SLC19A1: variants seen among roughly 807,000 people sequenced by gnomAD.
SLC19A1 encodes the protein solute carrier family 19 member 1.
SLC19A1 carries 37 observed loss-of-function variants against 35.3 expected under a neutral mutation model. That is an observed-to-expected ratio of 1.05 (90% CI 0.81 to 1.38). The LOEUF (loss-of-function observed/expected upper bound fraction) is 1.38. Ranked by LOEUF, SLC19A1 falls within the 40% of genes most tolerant of loss-of-function variation. SLC19A1 has a pLI of 0.00. For missense variants in SLC19A1, 831 were observed against 826.9 expected, an observed-to-expected ratio of 1.00 and a Z score of -0.06; for synonymous variants, 460 against 398.5, an observed-to-expected ratio of 1.15 and a Z score of -1.84.
upstream of SLC19A1, among the ~76,000 whole-genome samples, chr21:45,547,318 C>CCA (rs1180029246): frequency 6.6e-6 from 1 of 152,120 alleles, no homozygotes; most frequent in Admixed American, 6.5e-5. Context: ...TCTGAACAGA[C>CCA]CACTCCTCTG....
At position 45,534,773 on chromosome 21, in the gene SLC19A1, C is replaced by T. The variant is rs747450130; in HGVS notation, c.190-2625G>A. ...AGGCTCTGCCCAGAGCTGTGACCTG[C>T]GTCCCACTTACAAGGCTGCTGGGGG... On this transcript the variant is annotated intron_variant, in intron 2 of 5. Coordinates refer to ENST00000311124, the MANE Select transcript of SLC19A1 (RefSeq NM_194255.4). This position sits in a 1 kb window ranked among gnomAD's most constrained non-coding sequence, Gnocchi z 4.2. 38 of 602,022 alleles carry T rather than the reference C, an allele frequency of 6.3e-5. No homozygotes were observed. Among genetic ancestry groups the T allele is most frequent in the South Asian group, 1.0e-4 (5 of 49,898 alleles). 37.3% of individuals were successfully genotyped at this position (602,022 alleles called of 1,614,324 possible).
intron 5 of SLC19A1, among the ~76,000 whole-genome samples, chr21:45,520,955 G>A (rs2077419310): frequency 6.6e-6 from 1 of 151,808 alleles, no homozygotes; most frequent in East Asian, 1.9e-4. Flanking sequence ...AGGAGGAGGA[G>A]GTTGCGGTGA....
Position 45,530,073 on chromosome 21 carries a change from GGT to G in SLC19A1, c.1151+695_1151+696del, listed in dbSNP as rs2077811114. ...AGTGGGTGTCCATCTGTGAGCATGTGGTGTGTGTTCGTGTGTGGTGTGTCTGT... is the reference window on the plus strand; with the variant it reads ...AGTGGGTGTCCATCTGTGAGCATGTGGTGTGTTCGTGTGTGGTGTGTCTGT... On this transcript the variant is annotated intron_variant, in intron 4 of 5. Transcript: ENST00000311124. This position sits in a 1 kb window ranked among gnomAD's most constrained non-coding sequence, Gnocchi z 5.3. Among the ~76,000 whole-genome samples the G allele has an allele frequency of 6.9e-6, 1 of 144,020 alleles. No individual in the cohort carries two copies. Among genetic ancestry groups the G allele is most frequent in the African/African-American group, 2.6e-5 (1 of 38,272 alleles). 94.5% of individuals were successfully genotyped at this position (144,020 alleles called of 152,430 possible).
In SLC19A1 at chr21:45,533,867, C is replaced by A. The variant is rs149615942; in HGVS notation, c.190-1719G>T. Among the ~76,000 whole-genome samples, 706 of 152,268 alleles carry A rather than the reference C, an allele frequency of 4.6e-3. 7 individuals carry two copies. Among genetic ancestry groups the A allele is most frequent in the African/African-American group, 0.016 (649 of 41,560 alleles). ...GTGGCCCGATGTGCTCAGAGCCCGG[C>A]CACCGGCTACTGTGAACAGCTGGGC... is the stretch of plus-strand genomic sequence containing the variant. On this transcript the variant is annotated intron_variant, in intron 2 of 5. Transcript: ENST00000311124. This position sits in a 1 kb window ranked among gnomAD's most constrained non-coding sequence, Gnocchi z 4.5.
upstream of SLC19A1, among the ~76,000 whole-genome samples, chr21:45,548,410 G>T (rs77892687): frequency 6.6e-6 from 1 of 152,170 alleles, no homozygotes; most frequent in Non-Finnish European, 1.5e-5. Flanking sequence ...CGTAAGTGAC[G>T]CTTACAACTG....
chr21:45,516,935 G>A lies in SLC19A1; in HGVS notation c.1294-795C>T, dbSNP rs569568792. ...GCTGTTTTTAAAGCAAACTGAGGAA[G>A]ATGGGGCTGACACGCTTCTCCCTGC... On this transcript the variant is annotated intron_variant, in intron 5 of 5. Coordinates refer to ENST00000311124, the MANE Select transcript of SLC19A1 (RefSeq NM_194255.4). 7.9e-5 allele frequency among the ~76,000 whole-genome samples: 12 copies of A among 152,316 alleles called. No homozygotes were observed. In the South Asian group the frequency reaches 1.0e-3, roughly 13 times the overall value.
intron 1 of SLC19A1, among the ~76,000 whole-genome samples, chr21:45,539,845 G>C (rs1359996375): frequency 6.6e-6 from 1 of 152,200 alleles, no homozygotes; most frequent in African/African-American, 2.4e-5. Flanking sequence ...GCAGGGAAGA[G>C]GGGGAAGGGT....
At chr21:45,504,219 G>C (rs868489668) in intron 3 of SLC19A1, 36 of 937,950 alleles carry the variant, frequency 3.8e-5, no homozygotes, top group Non-Finnish European at 5.0e-5. Context: ...GGATGTTCCT[G>C]TCCCCGGCTC....
chr21:45,504,624 C>T (rs1290606699), intron 3 of SLC19A1: 11 of 1,429,564 alleles, frequency 7.7e-6, no homozygotes, highest in Non-Finnish European at 1.1e-5. Flanking sequence ...GAGGGCAGGT[C>T]CAGCCCGGCC....
At position 45,531,515 on chromosome 21, in the gene SLC19A1, C is replaced by T; in HGVS notation, c.823G>A (p.Val275Ile). 2 of 1,612,692 alleles carry T rather than the reference C, an allele frequency of 1.2e-6. No homozygotes were observed. The highest frequency in any genetic ancestry group is 1.1e-5 in the South Asian group (1 of 91,076). ...PQLRLWSLWW[V>I]FNSAGYYLVV... Reference sequence around the variant, plus strand: ...AGGTAGTAGCCGGCCGAGTTGAAGACCCACCAGAGGGACCACAGGCGCAGC... The same window carrying T: ...AGGTAGTAGCCGGCCGAGTTGAAGATCCACCAGAGGGACCACAGGCGCAGC... The change falls in exon 3 of 6, where the codon GTC becomes ATC. Residue 275 changes from valine (V) to isoleucine (I), a missense_variant. Val to Ile is a conservative substitution (Grantham distance 29). Coordinates refer to ENST00000311124, the MANE Select transcript of SLC19A1 (RefSeq NM_194255.4).
chr21:45,511,167 G>T (rs199498978), downstream of SLC19A1: 3 of 1,601,754 alleles, frequency 1.9e-6, no homozygotes, highest in Admixed American at 5.1e-5. Flanking sequence ...AGGGTCCGCT[G>T]AAGCCCGGGG....
intron 1 of SLC19A1, among the ~76,000 whole-genome samples, chr21:45,561,710 A>C (rs2078616441): frequency 6.7e-6 from 1 of 148,972 alleles, no homozygotes; most frequent in African/African-American, 2.5e-5. Context: ...GTAGTGAGCC[A>C]AGATCATGAC....
At chr21:45,526,036 TCCCACCAGCCCATGACCCG>T (rs2146294663) in intron 4 of SLC19A1, 78 bp from the exon 5 acceptor site, 1 of 1,522,560 alleles carries the variant, frequency 6.6e-7, no homozygotes, top group Admixed American at 1.8e-5. Flanking sequence ...GCAGCCCGGC[TCCCACCAGCCCATGACCCG>T]CCCGGCAGCC....
chr21:45,555,160 CGGGGGCGGCGCA>C lies in SLC19A1; in HGVS notation c.-50+7570_-50+7581del, dbSNP rs1211656981. On this transcript the variant is annotated intron_variant, in intron 1 of 5. Coordinates refer to the SLC19A1 transcript ENST00000650808. ...ACGCAGGGGGCGGTGCAGGGGGCGG[CGGGGGCGGCGCA>C]GGGGGCGGTGCAGGGGGCGGCGGGG... 2.6e-4 allele frequency among the ~76,000 whole-genome samples: 11 copies of C among 41,824 alleles called. No homozygotes were observed. In the East Asian group the frequency reaches 8.1e-3, roughly 31 times the overall value. 27.4% of individuals were successfully genotyped at this position (41,824 alleles called of 152,430 possible). A position where few individuals can be genotyped will look rare whatever the true frequency, so the allele number is the denominator to read the frequency against.
At chr21:45,506,961 C>T in intron 3 of SLC19A1, 1 of 265,356 alleles carries the variant, frequency 3.8e-6, no homozygotes, top group South Asian at 3.8e-5. Flanking sequence ...CACTGTGTGC[C>T]AGGTGTGCTT....
chr21:45,560,372 C>G (rs2078603694), intron 1 of SLC19A1, among the ~76,000 whole-genome samples: 1 of 152,210 alleles, frequency 6.6e-6, no homozygotes, highest in Non-Finnish European at 1.5e-5. Flanking sequence ...AGGAGCTAAT[C>G]CACCATGCAG....
At position 45,505,237 on chromosome 21, in the gene SLC19A1, G is replaced by GC; in HGVS notation, c.498-6626dup. On this transcript the variant is annotated intron_variant, in intron 3 of 4. Coordinates refer to the SLC19A1 transcript ENST00000417954. ...CGCCAGGGCCCTCCCGGCCCCCCAG[G>GC]CCCCCCAGGGCCCCCTTCATTTCCT... 9 of 1,602,888 alleles carry GC rather than the reference G, an allele frequency of 5.6e-6. No homozygotes were observed. The highest frequency in any genetic ancestry group is 1.7e-5 in the Admixed American group (1 of 59,280).
chr21:45,545,376 C>A (rs894498025), upstream of SLC19A1, among the ~76,000 whole-genome samples: 2 of 151,816 alleles, frequency 1.3e-5, no homozygotes, highest in African/African-American at 4.8e-5. Context: ...TCCGGGACCC[C>A]CCCCTTGCCC....
In SLC19A1 at chr21:45,513,764, A is replaced by G. The variant is rs763059126; in HGVS notation, c.*1894T>C. ...CCTTCACTGTCACAGGAAGGACACA[A>G]TTCTCCAAAAGGAGTTCTCAGGAGT... On this transcript the variant is annotated 3_prime_UTR_variant, in exon 6 of 6. Transcript: ENST00000311124. The G allele has an allele frequency of 2.6e-5, 4 of 152,236 alleles. No homozygotes were observed. The highest frequency in any genetic ancestry group is 4.4e-5 in the Non-Finnish European group (3 of 68,030). The allele number at this position is 152,236 out of a possible 1,614,324, so 9.4% of individuals were successfully genotyped here. A position where few individuals can be genotyped will look rare whatever the true frequency, so the allele number is the denominator to read the frequency against.
Sources: allele counts gnomAD v4.1 joint callset (sites outside exome capture counted in the v4.1 genomes callset), GRCh38; gene constraint gnomAD v4.1.1; non-coding constraint Gnocchi (gnomAD v3.1); transcripts MANE v1.5; gene names NCBI Gene and HGNC (gene_info 2026-07-23, HGNC 2026-07-21).